The following LVRN variants were observed in gnomAD, a reference collection of about 807,000 sequenced individuals.
LVRN encodes aminopeptidase Q.
Under a neutral mutation model 111.4 loss-of-function variants are expected in LVRN, and 99 were observed. The ratio of observed to expected loss-of-function variants is 0.89; its 90% CI spans 0.76 to 1.05. The LOEUF (loss-of-function observed/expected upper bound fraction) is 1.05. LVRN is among the 50% of genes least tolerant of loss of function. The pLI is 0.00. For missense variants in LVRN, 1,414 were observed against 1,206.8 expected (o/e 1.17, Z -2.54); for synonymous variants, 488 against 449.5 (o/e 1.09, Z -1.08).
In LVRN at chr5:115,999,878, CTT is replaced by C. The variant is rs1248760606; in HGVS notation, c.1493_1494del (p.Phe498Ter). 1 of 1,611,758 alleles carries C rather than the reference CTT, an allele frequency of 6.2e-7. No homozygotes were observed. Among genetic ancestry groups the C allele is most frequent in the South Asian group, 1.1e-5 (1 of 90,598 alleles). The part of the protein sequence containing the change: ...NFKTSEIQEL[F>X]DIFTYSKGAS... ...TCAAAACAAGTGAAATACAGGAACT[CTT>C]TGACATATTTACTTACAGCAAGGTA... On this transcript the variant is annotated frameshift_variant, in exon 7 of 20. Transcript: ENST00000357872. LOFTEE classifies it high-confidence loss of function.
At chr5:116,000,127 C>T (rs1748207294) in intron 7 of LVRN, among the ~76,000 whole-genome samples, 1 of 152,194 alleles carries the variant, frequency 6.6e-6, no homozygotes, top group Non-Finnish European at 1.5e-5. Context: ...TAGACTTTAA[C>T]AACTTGCTAC....
At chr5:115,971,992 C>T (rs1235951301) in intron 1 of LVRN, among the ~76,000 whole-genome samples, 1 of 152,026 alleles carries the variant, frequency 6.6e-6, no homozygotes, top group Admixed American at 6.6e-5. Flanking sequence ...GTCTTCTTTA[C>T]TCAGTTTTGA....
At position 115,999,885 on chromosome 5, in the gene LVRN, A is replaced by G. The variant is rs2112600756; in HGVS notation, c.1498A>G (p.Ile500Val). 1 of 1,610,802 alleles carries G rather than the reference A, an allele frequency of 6.2e-7. No individual in the cohort carries two copies. Among genetic ancestry groups the G allele is most frequent in the Non-Finnish European group, 8.5e-7 (1 of 1,179,272 alleles). ...AAGTGAAATACAGGAACTCTTTGAC[A>G]TATTTACTTACAGCAAGGTAAAAGC... ...KTSEIQELFD[I>V]FTYSKGASMA... The change falls in exon 7 of 20, where the codon ATA (isoleucine) becomes GTA (valine). Residue 500 changes from isoleucine (I) to valine (V), a missense_variant. Coordinates refer to ENST00000357872, the MANE Select transcript of LVRN (RefSeq NM_173800.5).
Position 116,000,499 on chromosome 5 carries a change from G to A in LVRN, c.1581+1G>A, listed in dbSNP as rs1302229801. 6.2e-7 allele frequency: 1 copy of A among 1,614,008 alleles called. No homozygotes were observed. The highest frequency in any genetic ancestry group is 8.5e-7 in the Non-Finnish European group (1 of 1,179,982). ...GCATTTATTTGTCAGTGCACTCAAGGTGAGTTTGCAAAATAGTCGTTACCT... is the reference window on the plus strand; with the variant it reads ...GCATTTATTTGTCAGTGCACTCAAGATGAGTTTGCAAAATAGTCGTTACCT... On this transcript the variant is annotated splice_donor_variant, in intron 8 of 19. Transcript: ENST00000357872. LOFTEE classifies it high-confidence loss of function.
rs1266189535 is a variant in LVRN at position 116,026,457 on chromosome 5, G to A, written c.*339G>A. On this transcript the variant is annotated 3_prime_UTR_variant, in exon 20 of 20. Coordinates refer to ENST00000357872, the MANE Select transcript of LVRN (RefSeq NM_173800.5). ...AGGCCAGTGGAATATAAAAATCAAT[G>A]GCATTAATGAGGAGCACATTCTTTG... is the stretch of plus-strand genomic sequence containing the variant. 7.9e-5 allele frequency: 25 copies of A among 316,984 alleles called. No individual in the cohort carries two copies. The allele number at this position is 316,984 out of a possible 1,614,324, so 19.6% of individuals were successfully genotyped here. A position where few individuals can be genotyped will look rare whatever the true frequency, so the allele number is the denominator to read the frequency against.
intron 10 of LVRN, among the ~76,000 whole-genome samples, chr5:116,001,577 A>G (rs1313917218): frequency 6.6e-6 from 1 of 152,196 alleles, no homozygotes; most frequent in Non-Finnish European, 1.5e-5. Context: ...AGATTGCCAT[A>G]TATTAGTAAA....
chr5:115,977,913 G>GGAACTGAAAGATATTTAAA (rs1486690126), intron 1 of LVRN, among the ~76,000 whole-genome samples: 1 of 152,068 alleles, frequency 6.6e-6, no homozygotes, highest in Non-Finnish European at 1.5e-5. Flanking sequence ...AAGAAAAGAA[G>GGAACTGAAAGATATTTAAA]GAACTGAAAG....
chr5:115,986,741 A>G (rs1747873190), intron 3 of LVRN, among the ~76,000 whole-genome samples: 1 of 152,250 alleles, frequency 6.6e-6, no homozygotes, highest in Admixed American at 6.5e-5. Flanking sequence ...AATAAACATA[A>G]GAAACATGTA....
chr5:116,010,502 G>T (rs1335159647), intron 13 of LVRN: 7 of 563,000 alleles, frequency 1.2e-5, no homozygotes, highest in South Asian at 1.1e-4. Flanking sequence ...CATTTGGCCT[G>T]AATTTTCTCT....
intron 12 of LVRN, 31 bp downstream of exon 12, chr5:116,003,411 T>A (rs1175588080): frequency 1.6e-6 from 2 of 1,268,044 alleles, no homozygotes; most frequent in Non-Finnish European, 2.1e-6. Flanking sequence ...TTTAATTAAA[T>A]ATAATTTATA....
At chr5:115,983,853 A>G (rs1455050229) in intron 2 of LVRN, among the ~76,000 whole-genome samples, 1 of 152,208 alleles carries the variant, frequency 6.6e-6, no homozygotes, top group Non-Finnish European at 1.5e-5. Flanking sequence ...GAAAACTTAG[A>G]AGTTCTAACA....
chr5:115,991,897 T>G (rs575827835), intron 4 of LVRN, among the ~76,000 whole-genome samples: 2 of 152,346 alleles, frequency 1.3e-5, no homozygotes, highest in African/African-American at 4.8e-5. Flanking sequence ...TTTGTGTATT[T>G]GAATACAAGT....
At chr5:116,007,280 A>G (rs1204690831) in intron 13 of LVRN, among the ~76,000 whole-genome samples, 4 of 152,194 alleles carry the variant, frequency 2.6e-5, no homozygotes, top group African/African-American at 9.6e-5. Flanking sequence ...TCATCCTGAC[A>G]TTCAAGGATC....
At chr5:115,989,965 A>G (rs1475433575) in intron 4 of LVRN, among the ~76,000 whole-genome samples, 1 of 151,892 alleles carries the variant, frequency 6.6e-6, no homozygotes, top group Non-Finnish European at 1.5e-5. Context: ...CATATGCCAT[A>G]CTCTTACCCT....
intron 1 of LVRN, among the ~76,000 whole-genome samples, chr5:115,970,529 C>A (rs7728859): frequency 6.6e-6 from 1 of 151,648 alleles, no homozygotes; most frequent in Non-Finnish European, 1.5e-5. Context: ...ATTACAGGCA[C>A]GCGCCACCAC....
intron 4 of LVRN, among the ~76,000 whole-genome samples, chr5:115,989,685 C>T (rs926989361): frequency 6.6e-6 from 1 of 152,100 alleles, no homozygotes; most frequent in Non-Finnish European, 1.5e-5. Context: ...TAAATTCTGA[C>T]CAGATTATTA....
At position 115,962,576 on chromosome 5, in the gene LVRN, A is replaced by T. The variant is rs548268324; in HGVS notation, c.-42A>T. The stretch of plus-strand genomic sequence containing the variant: ...TGGCCGGGGTTTTGACAGCTGCCAC[A>T]GTCTCTGAGCTCCAGCCTCGCGCCT... On this transcript the variant is annotated 5_prime_UTR_variant, in exon 1 of 20. Transcript: ENST00000357872. 1.9e-6 allele frequency: 3 copies of T among 1,554,276 alleles called. No homozygotes were observed. Among genetic ancestry groups the T allele is most frequent in the Admixed American group, 3.4e-5 (2 of 58,026 alleles).
In LVRN at chr5:115,970,749, A is replaced by G. The variant is rs181928368; in HGVS notation, c.695+7437A>G. ...ACTGATAGCATTTCATTGTATTGAT[A>G]TAACACAATTTGTTTATCCAACAAA... On this transcript the variant is annotated intron_variant, in intron 1 of 19. Coordinates refer to ENST00000357872, the MANE Select transcript of LVRN (RefSeq NM_173800.5). Among the ~76,000 whole-genome samples the G allele has an allele frequency of 4.9e-3, 742 of 152,342 alleles. 5 individuals are homozygous for G. Among genetic ancestry groups the G allele is most frequent in the Middle Eastern group, 6.8e-3 (2 of 294 alleles).
At chr5:115,963,766 C>T (rs891844371) in intron 1 of LVRN, among the ~76,000 whole-genome samples, 1 of 152,164 alleles carries the variant, frequency 6.6e-6, no homozygotes, top group Admixed American at 6.5e-5. Context: ...AACCTTGCTC[C>T]GAATAAAGAG....
Sources: allele counts gnomAD v4.1 joint callset (sites outside exome capture counted in the v4.1 genomes callset), GRCh38; gene constraint gnomAD v4.1.1; transcripts MANE v1.5; gene names NCBI Gene and HGNC (gene_info 2026-07-23, HGNC 2026-07-21).